The following DNAJA4 variants were observed in gnomAD, a reference collection of about 807,000 sequenced individuals.
DNAJA4 encodes the protein DnaJ heat shock protein family (Hsp40) member A4.
In DNAJA4, 32 loss-of-function variants were observed where a neutral mutation model predicts 39.7. That is an observed-to-expected ratio of 0.81 (90% CI 0.61 to 1.08). DNAJA4 has a LOEUF of 1.08. Ranked by LOEUF, DNAJA4 falls within the 50% of genes least tolerant of loss-of-function variation. DNAJA4 has a pLI of 0.00. For synonymous variants in DNAJA4, 184 were observed against 182.4 expected, an observed-to-expected ratio of 1.01 and a Z score of -0.07; for missense variants, 439 against 505.1, an observed-to-expected ratio of 0.87 and a Z score of 1.25.
In DNAJA4 at chr15:78,264,826, G is replaced by A. The variant is rs987711385; in HGVS notation, c.63G>A (p.Glu21=). 1.2e-6 allele frequency: 2 copies of A among 1,610,970 alleles called. No homozygotes were observed. The highest frequency in any genetic ancestry group is 1.7e-6 in the Non-Finnish European group (2 of 1,178,516). The part of the protein sequence containing the change: ...LGVKPSASPE[E]IKKAYRKLAL... Reference sequence around the variant, plus strand: ...TGAAGCCCAGCGCGTCCCCGGAGGAGATCAAGAAGGCCTATCGGAAGCTGG... The same window carrying A: ...TGAAGCCCAGCGCGTCCCCGGAGGAAATCAAGAAGGCCTATCGGAAGCTGG... The change falls in exon 1 of 7, where the codon GAG becomes GAA. Residue 21 remains glutamate (E), a synonymous_variant. Coordinates refer to ENST00000394852, the MANE Select transcript of DNAJA4 (RefSeq NM_001130182.2).
In DNAJA4 at chr15:78,280,021, C is replaced by G. The variant is rs113988524; in HGVS notation, c.878-24C>G. Reference sequence around the variant, plus strand: ...TGCAGGCCCCTCTGCCTTCCTCCTTCCTAATTGACCCTTTCTCTGGCAGGT... The same window carrying G: ...TGCAGGCCCCTCTGCCTTCCTCCTTGCTAATTGACCCTTTCTCTGGCAGGT... On this transcript the variant is annotated intron_variant, in intron 5 of 6. Coordinates refer to ENST00000394852, the MANE Select transcript of DNAJA4 (RefSeq NM_001130182.2). 0.013 allele frequency: 20,580 copies of G among 1,612,480 alleles called. 2,148 individuals are homozygous for G. In the African/African-American group the frequency reaches 0.23, roughly 18 times the overall value.
upstream of DNAJA4, chr15:78,264,164 G>A (rs540639963): frequency 4.3e-4 from 217 of 499,250 alleles, 2 homozygotes; most frequent in South Asian, 8.9e-3. Context: ...CTTCGGCGCA[G>A]GGCTCCGGCC....
At position 78,274,322 on chromosome 15, in the gene DNAJA4, A is replaced by C. The variant is rs1216648124; in HGVS notation, c.544A>C (p.Lys182Gln). The C allele has an allele frequency of 6.2e-7, 1 of 1,614,100 alleles. No homozygotes were observed. The highest frequency in any genetic ancestry group is 8.5e-7 in the Non-Finnish European group (1 of 1,180,048). Reference sequence around the variant, plus strand: ...GATCCAGACCGTGTGCATCGAGTGCAAGGGCCAGGGTGAGCGCATCAACCC... The same window carrying C: ...GATCCAGACCGTGTGCATCGAGTGCCAGGGCCAGGGTGAGCGCATCAACCC... ...QQIQTVCIEC[K>Q]GQGERINPKD... The change falls in exon 4 of 7, where the codon AAG (lysine) becomes CAG (glutamine). Residue 182 changes from lysine (K) to glutamine (Q), a missense_variant. By Grantham distance (53) the Lys-to-Gln change is moderately conservative (BLOSUM62 1). Transcript: ENST00000394852.
intron 1 of DNAJA4, 193 bp from the exon 2 acceptor site, chr15:78,270,304 G>T (rs1343910237): frequency 3.5e-6 from 2 of 567,620 alleles, no homozygotes; most frequent in Non-Finnish European, 6.2e-6. Context: ...TAATATGTTT[G>T]CCCTGTGTTT....
chr15:78,275,706 T>C lies in DNAJA4; in HGVS notation c.855T>C (p.Ile285=), dbSNP rs1232230531. 1 of 1,611,096 alleles carries C rather than the reference T, an allele frequency of 6.2e-7. No homozygotes were observed. Among genetic ancestry groups the C allele is most frequent in the South Asian group, 1.1e-5 (1 of 91,038 alleles). The change falls in exon 5 of 7, where the codon ATT becomes ATC. Residue 285 remains isoleucine, a synonymous_variant. Transcript: ENST00000394852. ...KKTIKTLDNR[I]LVITSKAGEV... is the part of the protein sequence containing the mutation. Reference sequence around the variant, plus strand: ...CGATAAAAACATTGGACAATCGAATTCTTGTTATTACATCCAAAGCAGGTA... The same window carrying C: ...CGATAAAAACATTGGACAATCGAATCCTTGTTATTACATCCAAAGCAGGTA...
intron 1 of DNAJA4, among the ~76,000 whole-genome samples, chr15:78,269,793 CA>C (rs1356778672): frequency 6.6e-6 from 1 of 151,628 alleles, no homozygotes; most frequent in Non-Finnish European, 1.5e-5. Flanking sequence ...GAGTATCTCT[CA>C]ATTTGGGTTT....
At chr15:78,274,741 C>T in intron 4 of DNAJA4, 1 of 392,718 alleles carries the variant, frequency 2.5e-6, no homozygotes, top group South Asian at 2.3e-5. Flanking sequence ...CATTCTCAAG[C>T]CATTCCTCTA....
chr15:78,265,714 G>T (rs1205270795), intron 1 of DNAJA4: 3 of 695,086 alleles, frequency 4.3e-6, no homozygotes, highest in Non-Finnish European at 7.9e-6. Flanking sequence ...GCAAGGAAAG[G>T]CTGCTAACCC....
rs753342413 is a variant in DNAJA4 at position 78,275,669 on chromosome 15, G to A, written c.818G>A (p.Gly273Asp). Residue 273 changes from glycine to aspartate, a missense_variant, in exon 5 of 7, where the codon GGC (glycine) becomes GAC (aspartate). Transcript: ENST00000394852. ...ATTCAGCTTTCTGAAGCTCTTTGTG[G>A]CTTCAAGAAGACGATAAAAACATTG... Reference protein sequence around the residue: ...MKIQLSEALCGFKKTIKTLDN... With the variant: ...MKIQLSEALCDFKKTIKTLDN... 51 of 1,613,922 alleles carry A rather than the reference G, an allele frequency of 3.2e-5. No individual in the cohort carries two copies. The highest frequency in any genetic ancestry group is 4.2e-5 in the Non-Finnish European group (50 of 1,179,988).
rs200635299 is a variant in DNAJA4 at position 78,274,233 on chromosome 15, C to T, written c.455C>T (p.Pro152Leu). The part of the protein sequence containing the change: ...GGKKGSVEKC[P>L]LCKGRGMQIH... ...AAGAAGGGATCGGTGGAGAAGTGCCCGCTGTGCAAGGGGCGGGGGATGCAG... is the reference window on the plus strand; with the variant it reads ...AAGAAGGGATCGGTGGAGAAGTGCCTGCTGTGCAAGGGGCGGGGGATGCAG... Residue 152 changes from proline (P) to leucine (L), a missense_variant, in exon 4 of 7, where the codon CCG becomes CTG. Pro to Leu is a moderately conservative substitution (Grantham distance 98). Coordinates refer to ENST00000394852, the MANE Select transcript of DNAJA4 (RefSeq NM_001130182.2). 73 of 1,614,086 alleles carry T rather than the reference C, an allele frequency of 4.5e-5. No individual in the cohort carries two copies. The highest frequency in any genetic ancestry group is 1.6e-4 in the South Asian group (15 of 91,078).
At chr15:78,270,238 T>C (rs2049256548) in intron 1 of DNAJA4, 1 of 336,284 alleles carries the variant, frequency 3.0e-6, no homozygotes, top group East Asian at 5.2e-5. Flanking sequence ...TGAGAAACTT[T>C]CCCTCTCTAC....
At chr15:78,277,868 G>A in intron 5 of DNAJA4, 1 of 359,680 alleles carries the variant, frequency 2.8e-6, no homozygotes, top group Non-Finnish European at 5.4e-6. Flanking sequence ...GAAGGGTGGA[G>A]CATCCAGGAA....
In DNAJA4 at chr15:78,264,565, G is replaced by A. The variant is rs2049060632; in HGVS notation, c.-199G>A. The A allele has an allele frequency of 3.3e-6, 4 of 1,208,920 alleles. No individual in the cohort carries two copies. The highest frequency in any genetic ancestry group is 3.4e-5 in the East Asian group (1 of 29,764). 74.9% of individuals were successfully genotyped at this position (1,208,920 alleles called of 1,614,324 possible). A position where few individuals can be genotyped will look rare whatever the true frequency, so the allele number is the denominator to read the frequency against. ...CCGCGGAGGAGCCGGTGGCTCTAGTGCGGTGGAGCCAGGCGTGGAAGTCGG... is the reference window on the plus strand; with the variant it reads ...CCGCGGAGGAGCCGGTGGCTCTAGTACGGTGGAGCCAGGCGTGGAAGTCGG... On this transcript the variant is annotated 5_prime_UTR_variant, in exon 1 of 7. Coordinates refer to ENST00000394852, the MANE Select transcript of DNAJA4 (RefSeq NM_001130182.2).
chr15:78,267,019 C>T (rs2049140437), intron 1 of DNAJA4, among the ~76,000 whole-genome samples: 1 of 152,170 alleles, frequency 6.6e-6, no homozygotes, highest in African/African-American at 2.4e-5. Context: ...ATAGAAACGG[C>T]TGTAGAGTTC....
rs776756103 is a variant in DNAJA4, at chr15:78,275,648, A to G, written c.797A>G (p.Gln266Arg). 1.2e-6 allele frequency: 2 copies of G among 1,614,196 alleles called. No individual in the cohort carries two copies. The highest frequency in any genetic ancestry group is 1.7e-6 in the Non-Finnish European group (2 of 1,180,016). ...GACTTGATCATGAAAATGAAAATTC[A>G]GCTTTCTGAAGCTCTTTGTGGCTTC... ...GHDLIMKMKI[Q>R]LSEALCGFKK... Residue 266 changes from glutamine to arginine, a missense_variant, in exon 5 of 7, where the codon CAG becomes CGG. By Grantham distance (43) the Gln-to-Arg change is conservative. Coordinates refer to ENST00000394852, the MANE Select transcript of DNAJA4 (RefSeq NM_001130182.2).
rs2049599962 is a variant in DNAJA4, at chr15:78,279,803, GCTGC to G, written c.878-240_878-237del. 3.5e-6 allele frequency: 2 copies of G among 574,036 alleles called. No homozygotes were observed. Among genetic ancestry groups the G allele is most frequent in the Admixed American group, 6.4e-5 (2 of 31,354 alleles). The allele number at this position is 574,036 out of a possible 1,614,324, so 35.6% of individuals were successfully genotyped here. ...CTACCTGTGATGGCAGCTGCACCAT[GCTGC>G]CCTCTTGACACACTGCTGGAGCCCA... On this transcript the variant is annotated intron_variant, in intron 5 of 6. Transcript: ENST00000394852. The surrounding 1 kb of genome is among the most constrained non-coding windows in gnomAD (Gnocchi z 4.5).
chr15:78,280,100 C>T lies in DNAJA4; in HGVS notation c.933C>T (p.Ile311=). The part of the protein sequence containing the change: ...LRCVRDEGMP[I]YKAPLEKGIL... The stretch of plus-strand genomic sequence containing the variant: ...GCGTGCGCGATGAAGGAATGCCCAT[C>T]TACAAAGCACCCCTGGAAAAAGGGA... The change falls in exon 6 of 7, where the codon ATC becomes ATT. Residue 311 remains isoleucine (I), a synonymous_variant. Coordinates refer to ENST00000394852, the MANE Select transcript of DNAJA4 (RefSeq NM_001130182.2). 1 of 1,614,242 alleles carries T rather than the reference C, an allele frequency of 6.2e-7. No individual in the cohort carries two copies. The highest frequency in any genetic ancestry group is 8.5e-7 in the Non-Finnish European group (1 of 1,180,036).
intron 5 of DNAJA4, chr15:78,278,262 A>G (rs1391052697): frequency 2.2e-6 from 1 of 456,116 alleles, no homozygotes; most frequent in Non-Finnish European, 4.4e-6. Context: ...TAGAAGCAGA[A>G]GCATGGGGAG....
At position 78,279,891 on chromosome 15, in the gene DNAJA4, C is replaced by A. The variant is rs1294879996; in HGVS notation, c.878-154C>A. 1.4e-5 allele frequency: 9 copies of A among 657,512 alleles called. No individual in the cohort carries two copies. In the East Asian group the frequency reaches 2.4e-4, roughly 18 times the overall value. 40.7% of individuals were successfully genotyped at this position (657,512 alleles called of 1,614,324 possible). A position where few individuals can be genotyped will look rare whatever the true frequency, so the allele number is the denominator to read the frequency against. On this transcript the variant is annotated intron_variant, in intron 5 of 6. Transcript: ENST00000394852. This position sits in a 1 kb window ranked among gnomAD's most constrained non-coding sequence, Gnocchi z 4.5. ...CCCCAGGCAGTACCTGACAAGGATA[C>A]CTGGGATTGGGGCCAGCTTTCCAGT...
Sources: gnomAD v4.1 joint callset for allele counts (sites outside exome capture counted in the v4.1 genomes callset) on GRCh38, gnomAD v4.1.1 for gene constraint, Gnocchi (gnomAD v3.1) non-coding constraint, MANE v1.5 for transcripts, NCBI Gene and HGNC (gene_info 2026-07-23, HGNC 2026-07-21) for gene names.